The following CFAP299 variants were observed in gnomAD, a reference collection of about 807,000 sequenced individuals.
CFAP299 encodes cilia and flagella associated protein 299.
A neutral mutation model predicts 27.0 loss-of-function variants in CFAP299; 21 were observed. That is an observed-to-expected ratio of 0.78 (90% CI 0.55 to 1.12). The LOEUF (loss-of-function observed/expected upper bound fraction) is 1.12, where lower values mean the gene tolerates loss of function less well. Ranked by LOEUF, CFAP299 falls within the 50% of genes most tolerant of loss-of-function variation. CFAP299 has a pLI of 0.00. For missense variants in CFAP299, 310 were observed against 276.6 expected (o/e 1.12, Z -0.86); for synonymous variants, 104 against 98.1 (o/e 1.06, Z -0.36).
intron 2 of CFAP299, chr4:80,387,339 A>G: frequency 6.5e-7 from 1 of 1,545,642 alleles, no homozygotes; most frequent in East Asian, 2.2e-5. Flanking sequence ...TTGACCACAC[A>G]TTTGTACACC....
At chr4:80,678,632 A>G (rs956743175) in intron 3 of CFAP299, among the ~76,000 whole-genome samples, 6 of 152,080 alleles carry the variant, frequency 3.9e-5, no homozygotes, top group Non-Finnish European at 8.8e-5. Context: ...ACCACTCTGC[A>G]TCATGCCTAT....
At chr4:80,417,853 G>T (rs1188875407) in intron 2 of CFAP299, among the ~76,000 whole-genome samples, 1 of 150,892 alleles carries the variant, frequency 6.6e-6, no homozygotes, top group Non-Finnish European at 1.5e-5. Context: ...GGCCCTTTTT[G>T]CCCTTCTGTC....
At chr4:80,723,015 C>A (rs1722929202) in intron 3 of CFAP299, among the ~76,000 whole-genome samples, 1 of 152,168 alleles carries the variant, frequency 6.6e-6, no homozygotes, top group Non-Finnish European at 1.5e-5. Flanking sequence ...CATGACTAGT[C>A]ATTAGAGAAG....
intron 3 of CFAP299, among the ~76,000 whole-genome samples, chr4:80,778,900 T>C (rs1442419891): frequency 6.6e-6 from 1 of 152,128 alleles, no homozygotes; most frequent in Non-Finnish European, 1.5e-5. Flanking sequence ...TTTAGTTCTA[T>C]GCAATTTTAT....
At chr4:80,502,379 A>G (rs969028768) in intron 2 of CFAP299, among the ~76,000 whole-genome samples, 1 of 152,024 alleles carries the variant, frequency 6.6e-6, no homozygotes. Context: ...GTCAATTTTA[A>G]AGTTATTGAC....
At chr4:80,854,755 T>C (rs1273043175) in intron 3 of CFAP299, among the ~76,000 whole-genome samples, 1 of 150,078 alleles carries the variant, frequency 6.7e-6, no homozygotes, top group African/African-American at 2.5e-5. Flanking sequence ...TCATTAATTT[T>C]TACTGAGACC....
intron 3 of CFAP299, among the ~76,000 whole-genome samples, chr4:80,599,739 A>T (rs1218411835): frequency 6.6e-6 from 1 of 152,116 alleles, no homozygotes; most frequent in Non-Finnish European, 1.5e-5. Context: ...GTAGGATACT[A>T]CTGTTACACC....
At chr4:80,828,418 C>T (rs1336712968) in intron 3 of CFAP299, among the ~76,000 whole-genome samples, 2 of 151,954 alleles carry the variant, frequency 1.3e-5, no homozygotes, top group Non-Finnish European at 2.9e-5. Flanking sequence ...CACAAGAGTA[C>T]CAAAACCAAA....
At chr4:80,726,511 TTGAA>T (rs1483760548) in intron 3 of CFAP299, among the ~76,000 whole-genome samples, 2 of 152,190 alleles carry the variant, frequency 1.3e-5, no homozygotes, top group African/African-American at 4.8e-5. Flanking sequence ...GTGTTCAAAT[TTGAA>T]TGAATAACTA....
chr4:80,730,933 CTATT>C (rs1443662730), intron 3 of CFAP299, among the ~76,000 whole-genome samples: 1 of 152,180 alleles, frequency 6.6e-6, no homozygotes, highest in Non-Finnish European at 1.5e-5. Context: ...TTTATTCTTC[CTATT>C]TAGTCCATCC....
intron 3 of CFAP299, among the ~76,000 whole-genome samples, chr4:80,593,799 ACTTTT>A (rs1375855080): frequency 2.0e-5 from 3 of 152,130 alleles, no homozygotes; most frequent in South Asian, 2.1e-4. Context: ...TCAATTTGAG[ACTTTT>A]CTTCTCTTCT....
chr4:80,339,590 T>A (rs968660965), intron 1 of CFAP299, among the ~76,000 whole-genome samples: 2 of 152,210 alleles, frequency 1.3e-5, no homozygotes, highest in South Asian at 2.1e-4. Flanking sequence ...TTTGCTTATT[T>A]TACTGAATAG....
intron 3 of CFAP299, among the ~76,000 whole-genome samples, chr4:80,666,506 G>C (rs565911409): frequency 6.6e-6 from 1 of 152,206 alleles, no homozygotes; most frequent in South Asian, 2.1e-4. Context: ...ATTTGAAAAA[G>C]AAAAGAGTCA....
intron 3 of CFAP299, among the ~76,000 whole-genome samples, chr4:80,653,108 G>A (rs1206738845): frequency 6.6e-6 from 1 of 152,036 alleles, no homozygotes; most frequent in African/African-American, 2.4e-5. Context: ...TCTTTTCTCA[G>A]GTCCAAACCT....
At chr4:80,936,321 G>GTGT (rs1310251601) in intron 4 of CFAP299, among the ~76,000 whole-genome samples, 1 of 151,928 alleles carries the variant, frequency 6.6e-6, no homozygotes, top group Non-Finnish European at 1.5e-5. Flanking sequence ...ATCATTTTAT[G>GTGT]ATATAAATGC....
chr4:80,559,997 C>T (rs1339762677), intron 2 of CFAP299, among the ~76,000 whole-genome samples: 1 of 152,112 alleles, frequency 6.6e-6, no homozygotes, highest in Non-Finnish European at 1.5e-5. Flanking sequence ...CCAGCTGGGA[C>T]AGCCAAGGGA....
Position 80,477,847 on chromosome 4 carries a change from T to C in CFAP299, c.243-105246T>C, listed in dbSNP as rs190854291. Among the ~76,000 whole-genome samples the C allele has an allele frequency of 2.3e-4, 35 of 152,276 alleles. No homozygotes were observed. The East Asian group carries it at 6.6e-3, about 29-fold the overall frequency. On this transcript the variant is annotated intron_variant, in intron 2 of 5. Transcript: ENST00000358105. Reference sequence around the variant, plus strand: ...TACTTGCTCCTACATTTTGCTTTATTATTGTTGCCTGGAAAACCCCAGCTC... The same window carrying C: ...TACTTGCTCCTACATTTTGCTTTATCATTGTTGCCTGGAAAACCCCAGCTC...
intron 3 of CFAP299, among the ~76,000 whole-genome samples, chr4:80,840,836 G>C (rs915487688): frequency 6.6e-6 from 1 of 152,050 alleles, no homozygotes; most frequent in African/African-American, 2.4e-5. Flanking sequence ...TAGATTTTTA[G>C]AAGAACCATT....
intron 4 of CFAP299, among the ~76,000 whole-genome samples, chr4:80,932,866 A>G (rs1219898870): frequency 6.6e-6 from 1 of 152,180 alleles, no homozygotes; most frequent in Non-Finnish European, 1.5e-5. Context: ...TCACAATAGC[A>G]TCCTAGTTTG....
Sources: allele counts gnomAD v4.1 joint callset (sites outside exome capture counted in the v4.1 genomes callset), GRCh38; gene constraint gnomAD v4.1.1; transcripts MANE v1.5; gene names NCBI Gene and HGNC (gene_info 2026-07-23, HGNC 2026-07-21).